Variants in CCDC3 observed in about 807,000 individuals in gnomAD.
CCDC3 encodes the protein coiled-coil domain-containing protein 3.
In CCDC3, 24 loss-of-function variants were observed where a neutral mutation model predicts 21.4. That is an observed-to-expected ratio of 1.12 (90% CI 0.81 to 1.58). The LOEUF (loss-of-function observed/expected upper bound fraction) is 1.58. CCDC3 is among the 40% of genes most tolerant of loss of function. CCDC3 has a pLI of 0.00. For missense variants in CCDC3, 425 were observed against 360.9 expected (o/e 1.18, Z -1.44); for synonymous variants, 186 against 166.0 (o/e 1.12, Z -0.93).
chr10:12,941,557 T>C (rs1226026070), intron 2 of CCDC3, among the ~76,000 whole-genome samples: 1 of 152,156 alleles, frequency 6.6e-6, no homozygotes, highest in East Asian at 1.9e-4. Flanking sequence ...TGTATATTAA[T>C]GTACTTATCT....
At chr10:12,960,703 C>T (rs948175491) in intron 2 of CCDC3, among the ~76,000 whole-genome samples, 3 of 152,164 alleles carry the variant, frequency 2.0e-5, no homozygotes, top group African/African-American at 7.2e-5. Context: ...GAGCTCAAGG[C>T]TGCGGGACCC....
intron 2 of CCDC3, among the ~76,000 whole-genome samples, chr10:12,911,200 ATCACCTGCTTCTCT>A (rs1254663664): frequency 8.0e-6 from 1 of 124,980 alleles, no homozygotes; most frequent in Non-Finnish European, 1.6e-5. Context: ...AGGCTGTTGC[ATCACCTGCTTCTCT>A]TCAGTGCCTT....
At position 13,014,895 on chromosome 10, in the gene CCDC3, G is replaced by C. The variant is rs142556619; in HGVS notation, c.-1-16383C>G. Among the ~76,000 whole-genome samples, 684 of 152,188 alleles carry C rather than the reference G, an allele frequency of 4.5e-3. 28 individuals are homozygous for C. In the South Asian group the frequency reaches 0.072, roughly 16 times the overall value. ...TTGAAACAGTGTGGTAATTGTGCAAGAATCAACAGTCATATCAGGAGAATA... is the reference window on the plus strand; with the variant it reads ...TTGAAACAGTGTGGTAATTGTGCAACAATCAACAGTCATATCAGGAGAATA... On this transcript the variant is annotated intron_variant, in intron 5 of 6. Coordinates refer to the CCDC3 transcript ENST00000378839.
chr10:13,077,038 G>T (rs898048092), intron 3 of CCDC3, among the ~76,000 whole-genome samples: 1 of 152,078 alleles, frequency 6.6e-6, no homozygotes, highest in Admixed American at 6.6e-5. Context: ...AGAAATAAAG[G>T]GTATTCAATT....
At chr10:13,001,106 C>G (rs1835842172) in intron 1 of CCDC3, 91 bp downstream of exon 1, 2 of 1,458,942 alleles carry the variant, frequency 1.4e-6, no homozygotes, top group South Asian at 2.8e-5. Context: ...GACAGGCTGC[C>G]CGGGGAGTTA....
intron 2 of CCDC3, among the ~76,000 whole-genome samples, chr10:12,933,088 CT>C (rs1397889702): frequency 6.6e-6 from 1 of 151,832 alleles, no homozygotes; most frequent in Non-Finnish European, 1.5e-5. Context: ...TTTTTTTCAT[CT>C]TGGTTCATGA....
At chr10:12,905,240 C>T (rs1025470840) in intron 2 of CCDC3, among the ~76,000 whole-genome samples, 3 of 152,188 alleles carry the variant, frequency 2.0e-5, no homozygotes, top group Non-Finnish European at 4.4e-5. Flanking sequence ...TGGCCCCCTG[C>T]CTGTTTTTGT....
At chr10:13,081,860 A>C (rs1333960587) in intron 3 of CCDC3, among the ~76,000 whole-genome samples, 1 of 152,226 alleles carries the variant, frequency 6.6e-6, no homozygotes, top group Non-Finnish European at 1.5e-5. Flanking sequence ...CCAGAGGTCC[A>C]GGTTGTCCCC....
chr10:12,921,088 G>A (rs1834444196), intron 2 of CCDC3, among the ~76,000 whole-genome samples: 2 of 152,152 alleles, frequency 1.3e-5, no homozygotes, highest in Admixed American at 1.3e-4. Flanking sequence ...ATTTGCCTGG[G>A]ACATCGTGGT....
chr10:13,024,291 C>T (rs1187504088), intron 5 of CCDC3, among the ~76,000 whole-genome samples: 1 of 151,994 alleles, frequency 6.6e-6, no homozygotes, highest in Admixed American at 6.6e-5. Context: ...ATGCATCAAA[C>T]TGTAATCTCC....
chr10:13,063,523 T>A (rs1039818415), intron 4 of CCDC3, among the ~76,000 whole-genome samples: 1 of 151,740 alleles, frequency 6.6e-6, no homozygotes, highest in Non-Finnish European at 1.5e-5. Context: ...ATTCATTGAA[T>A]CACAACAATC....
At chr10:12,979,754 GGCTAAATAAACC>G (rs1362515982) in intron 2 of CCDC3, among the ~76,000 whole-genome samples, 1 of 152,022 alleles carries the variant, frequency 6.6e-6, no homozygotes, top group African/African-American at 2.4e-5. Flanking sequence ...CTCAAACTTT[GGCTAAATAAACC>G]GCTACTGACT....
intron 2 of CCDC3, among the ~76,000 whole-genome samples, chr10:12,986,480 A>G (rs1835592229): frequency 6.6e-6 from 1 of 152,238 alleles, no homozygotes; most frequent in Non-Finnish European, 1.5e-5. Context: ...TTTTTAAAAA[A>G]GTAATCCCTG....
chr10:13,015,364 G>C (rs1836042178), intron 5 of CCDC3, among the ~76,000 whole-genome samples: 1 of 152,008 alleles, frequency 6.6e-6, no homozygotes, highest in Non-Finnish European at 1.5e-5. Context: ...TGCTCTCCGG[G>C]AGCTGATATC....
chr10:13,056,607 C>A (rs1008052945), intron 4 of CCDC3, among the ~76,000 whole-genome samples: 2 of 152,220 alleles, frequency 1.3e-5, no homozygotes, highest in African/African-American at 4.8e-5. Context: ...TTTCCCCCAA[C>A]TTTCCCTGGA....
At chr10:13,020,372 T>C (rs1482826503) in intron 5 of CCDC3, among the ~76,000 whole-genome samples, 1 of 152,232 alleles carries the variant, frequency 6.6e-6, no homozygotes, top group Non-Finnish European at 1.5e-5. Flanking sequence ...TAGCGCGGTT[T>C]AGCAAGAGAT....
chr10:12,968,676 T>TTTAAGGGATATACAAGATGG (rs1353177339), intron 2 of CCDC3, among the ~76,000 whole-genome samples: 4 of 152,188 alleles, frequency 2.6e-5, no homozygotes, highest in Non-Finnish European at 5.9e-5. Context: ...GCTATAATTT[T>TTTAAGGGATATACAAGATGG]TTAAGGGATA....
chr10:12,967,944 G>A (rs995777464), intron 2 of CCDC3, among the ~76,000 whole-genome samples: 25 of 152,156 alleles, frequency 1.6e-4, no homozygotes, highest in Admixed American at 3.3e-4. Context: ...GCCGAGGCGG[G>A]CAGATCACAA....
intron 2 of CCDC3, among the ~76,000 whole-genome samples, chr10:12,942,070 T>C (rs1834840568): frequency 1.3e-5 from 2 of 152,198 alleles, no homozygotes; most frequent in Non-Finnish European, 2.9e-5. Flanking sequence ...CTCTATGCCT[T>C]TGAGATGTCC....
Sources: allele counts gnomAD v4.1 joint callset (sites outside exome capture counted in the v4.1 genomes callset), GRCh38; gene constraint gnomAD v4.1.1; transcripts MANE v1.5; gene names NCBI Gene and HGNC (gene_info 2026-07-23, HGNC 2026-07-21).